LOC400499: variants seen among roughly 807,000 people sequenced by gnomAD.
chr16:11,418,145 G>A, the LOC400499 span, among the ~76,000 whole-genome samples: 1 of 152,180 alleles, frequency 6.6e-6, no homozygotes, highest in East Asian at 1.9e-4. Context: ...AGATGTCCTG[G>A]CTGGTGCGAA....
At chr16:11,473,566 C>A in the LOC400499 span, among the ~76,000 whole-genome samples, 1 of 152,124 alleles carries the variant, frequency 6.6e-6, no homozygotes, top group Non-Finnish European at 1.5e-5. Flanking sequence ...ACCAGCCTGG[C>A]CAATGTGGTA....
the LOC400499 span, chr16:11,446,651 C>T: frequency 1.3e-6 from 2 of 1,535,828 alleles, no homozygotes; most frequent in Admixed American, 2.0e-5. Context: ...GAGGGACAAC[C>T]ACATACATGT....
At chr16:11,463,575 G>A in the LOC400499 span, among the ~76,000 whole-genome samples, 114,491 of 152,126 alleles carry the variant, frequency 0.75, 43,675 homozygotes, top group Admixed American at 0.8. Flanking sequence ...TATGTATACG[G>A]ATGTGTAAAG....
the LOC400499 span, among the ~76,000 whole-genome samples, chr16:11,497,867 C>A: frequency 1.3e-5 from 2 of 152,186 alleles, no homozygotes; most frequent in South Asian, 4.1e-4. Flanking sequence ...AGAAAACAAT[C>A]TTAATGCAAA....
chr16:11,501,801 G>C, the LOC400499 span, among the ~76,000 whole-genome samples: 1 of 152,086 alleles, frequency 6.6e-6, no homozygotes, highest in African/African-American at 2.4e-5. Flanking sequence ...TCCCTGTCTG[G>C]GGAAGGGAAC....
At chr16:11,481,287 G>A in the LOC400499 span, among the ~76,000 whole-genome samples, 1 of 152,274 alleles carries the variant, frequency 6.6e-6, no homozygotes, top group East Asian at 1.9e-4. Flanking sequence ...AAGTGGTGGT[G>A]GCACAACATG....
At chr16:11,480,206 G>A in the LOC400499 span, among the ~76,000 whole-genome samples, 2 of 152,250 alleles carry the variant, frequency 1.3e-5, no homozygotes, top group East Asian at 3.8e-4. Context: ...TGTTTCTCAG[G>A]ATGTGAGTCT....
the LOC400499 span, among the ~76,000 whole-genome samples, chr16:11,411,798 C>G: frequency 6.6e-6 from 1 of 152,076 alleles, no homozygotes; most frequent in African/African-American, 2.4e-5. Flanking sequence ...CACATAGCAC[C>G]CCTCCCCTCA....
chr16:11,374,467 C>T, the LOC400499 span, among the ~76,000 whole-genome samples: 2 of 152,174 alleles, frequency 1.3e-5, no homozygotes, highest in Non-Finnish European at 2.9e-5. Flanking sequence ...GAAACTTTAT[C>T]CCCATTAAAT....
At chr16:11,410,605 C>G in the LOC400499 span, among the ~76,000 whole-genome samples, 1 of 152,230 alleles carries the variant, frequency 6.6e-6, no homozygotes, top group East Asian at 1.9e-4. Context: ...TGGCCTGGGC[C>G]AGGGCTGGGA....
the LOC400499 span, among the ~76,000 whole-genome samples, chr16:11,387,674 CTGGAG>C: frequency 2.0e-5 from 3 of 151,968 alleles, no homozygotes; most frequent in Non-Finnish European, 4.4e-5. Flanking sequence ...GTCGCCCAGG[CTGGAG>C]TGTAGTGGCA....
At chr16:11,398,588 C>T in the LOC400499 span, 2 of 1,089,618 alleles carry the variant, frequency 1.8e-6, no homozygotes, top group Admixed American at 4.3e-5. Context: ...GAGACCCTCA[C>T]CTAGGCAAGA....
chr16:11,456,147 C>A, the LOC400499 span, among the ~76,000 whole-genome samples: 7 of 151,508 alleles, frequency 4.6e-5, no homozygotes, highest in African/African-American at 1.7e-4. Flanking sequence ...TGGGTTCAAG[C>A]GATCCTCCTG....
the LOC400499 span, among the ~76,000 whole-genome samples, chr16:11,454,240 C>T: frequency 8.1e-4 from 124 of 152,268 alleles, no homozygotes; most frequent in African/African-American, 3.0e-3. Flanking sequence ...TCAAACTGTC[C>T]CAGTAGAATG....
At chr16:11,459,410 A>G in the LOC400499 span, among the ~76,000 whole-genome samples, 1 of 151,686 alleles carries the variant, frequency 6.6e-6, no homozygotes, top group Non-Finnish European at 1.5e-5. Flanking sequence ...GTTAGCCAGG[A>G]TGGTCTCGAT....
chr16:11,385,731 A>C, the LOC400499 span, among the ~76,000 whole-genome samples: 1 of 152,264 alleles, frequency 6.6e-6, no homozygotes, highest in African/African-American at 2.4e-5. Context: ...GTTTACATAA[A>C]ATGTCCAGAG....
the LOC400499 span, chr16:11,478,753 T>G: frequency 1.0e-5 from 4 of 398,650 alleles, no homozygotes; most frequent in African/African-American, 4.1e-5. Context: ...GGTTTGGCTG[T>G]GTCCCCACCC....
At chr16:11,436,968 G>C in the LOC400499 span, among the ~76,000 whole-genome samples, 1 of 152,034 alleles carries the variant, frequency 6.6e-6, no homozygotes, top group Non-Finnish European at 1.5e-5. Context: ...CCCAGACAAT[G>C]GAATATTATC....
chr16:11,493,381 T>C, the LOC400499 span, among the ~76,000 whole-genome samples: 1 of 152,312 alleles, frequency 6.6e-6, no homozygotes, highest in East Asian at 1.9e-4. Context: ...TAGTGGCCCA[T>C]GGCCCGTAGT....
Sources: allele counts gnomAD v4.1 joint callset (sites outside exome capture counted in the v4.1 genomes callset), GRCh38; gene constraint gnomAD v4.1.1; transcripts MANE v1.5.